The following VRK1 variants were observed in gnomAD, a reference collection of about 807,000 sequenced individuals.
VRK1 encodes the protein serine/threonine-protein kinase VRK1.
A neutral mutation model predicts 57.1 loss-of-function variants in VRK1; 33 were observed. That is an observed-to-expected ratio of 0.58 (90% CI 0.44 to 0.77). The LOEUF (loss-of-function observed/expected upper bound fraction) is 0.77. Ranked by LOEUF, VRK1 falls within the 30% of genes least tolerant of loss-of-function variation. The pLI is 0.00. For synonymous variants in VRK1, 137 were observed against 147.8 expected, an observed-to-expected ratio of 0.93 and a Z score of 0.53; for missense variants, 413 against 477.3, an observed-to-expected ratio of 0.87 and a Z score of 1.25.
chr14:96,860,454 A>G, intron 10 of VRK1, 103 bp from the exon 11 acceptor site: 1 of 1,112,974 alleles, frequency 9.0e-7, no homozygotes, highest in Non-Finnish European at 1.3e-6. Context: ...TCTTAACAAG[A>G]TGTGTATTTG....
At chr14:96,880,878 G>T (rs942554970) in intron 12 of VRK1, among the ~76,000 whole-genome samples, 9 of 152,222 alleles carry the variant, frequency 5.9e-5, no homozygotes, top group Non-Finnish European at 5.9e-5. Flanking sequence ...ATTTTGGAGA[G>T]AAATATTTCA....
chr14:96,881,014 A>C (rs1367378331), intron 12 of VRK1, among the ~76,000 whole-genome samples, 163 bp from the exon 13 acceptor site: 2 of 152,212 alleles, frequency 1.3e-5, no homozygotes, highest in African/African-American at 4.8e-5. Context: ...TTTTCAGAGT[A>C]TTAGCAATCA....
chr14:96,858,048 C>T (rs535130448), intron 10 of VRK1, among the ~76,000 whole-genome samples: 2 of 152,072 alleles, frequency 1.3e-5, no homozygotes, highest in Non-Finnish European at 2.9e-5. Flanking sequence ...TCCCCATTAT[C>T]GCATGTTTTT....
chr14:96,806,167 C>G (rs1885869083), intron 1 of VRK1, among the ~76,000 whole-genome samples: 1 of 152,130 alleles, frequency 6.6e-6, no homozygotes, highest in Admixed American at 6.5e-5. Context: ...GTATCTGCAT[C>G]TAGTGTATTT....
chr14:96,833,329 G>A (rs1887084493), intron 1 of VRK1, 138 bp from the exon 2 acceptor site: 1 of 905,478 alleles, frequency 1.1e-6, no homozygotes, highest in Non-Finnish European at 1.7e-6. Context: ...TTATAAGTCA[G>A]AATTAACAGG....
intron 3 of VRK1, among the ~76,000 whole-genome samples, chr14:96,838,643 GC>G (rs953691908): frequency 2.0e-5 from 3 of 152,130 alleles, no homozygotes; most frequent in African/African-American, 7.2e-5. Flanking sequence ...TGAAGGGGAT[GC>G]CCCCATGACT....
chr14:96,855,855 A>G (rs1888133500), intron 8 of VRK1, among the ~76,000 whole-genome samples: 1 of 152,096 alleles, frequency 6.6e-6, no homozygotes, highest in South Asian at 2.1e-4. Flanking sequence ...CCAAAGGAAA[A>G]CTAGTTTTAT....
At chr14:96,859,880 A>G (rs1159171123) in intron 10 of VRK1, among the ~76,000 whole-genome samples, 4 of 152,190 alleles carry the variant, frequency 2.6e-5, no homozygotes, top group South Asian at 2.1e-4. Context: ...GGACCAGTAT[A>G]TGAAATGATG....
chr14:96,871,251 CAGACCTGTTAA>C (rs1279355356), intron 11 of VRK1, among the ~76,000 whole-genome samples: 3 of 152,194 alleles, frequency 2.0e-5, no homozygotes, highest in Admixed American at 6.5e-5. Context: ...CTTGTTCCTT[CAGACCTGTTAA>C]TTAGCAAAAT....
At position 96,855,321 on chromosome 14, in the gene VRK1, T is replaced by C. The variant is rs1160942484; in HGVS notation, c.674T>C (p.Ile225Thr). The C allele has an allele frequency of 6.2e-7, 1 of 1,614,096 alleles. No individual in the cohort carries two copies. Among genetic ancestry groups the C allele is most frequent in the Non-Finnish European group, 8.5e-7 (1 of 1,179,960 alleles). ...CCCAAAAGATGTCACGATGGCACTA[T>C]TGAATTCACGAGCATCGATGCACAC... ...EDPKRCHDGT[I>T]EFTSIDAHNG... The change falls in exon 8 of 13, where the codon ATT (isoleucine) becomes ACT (threonine). Residue 225 changes from isoleucine to threonine, a missense_variant. Around this residue, in one of 3 missense-constraint regions of VRK1, gnomAD observed 151 missense variants for 225.5 expected, o/e 0.67. Transcript: ENST00000216639.
rs144133820 is a variant in VRK1 at position 96,823,699 on chromosome 14, A to G, written c.-5-9768A>G. On this transcript the variant is annotated intron_variant, in intron 1 of 12. Transcript: ENST00000216639. ...ACACAGTAGCGTTAAGTGTATTCAT[A>G]TTGTTGTGAAGCAGATCTCTAGAAC... Among the ~76,000 whole-genome samples, 4 of 152,322 alleles carry G rather than the reference A, an allele frequency of 2.6e-5. No individual in the cohort carries two copies. In the East Asian group the frequency reaches 7.7e-4, roughly 29 times the overall value.
intron 1 of VRK1, among the ~76,000 whole-genome samples, chr14:96,832,499 A>C (rs1664688554): frequency 6.6e-6 from 1 of 152,174 alleles, no homozygotes; most frequent in African/African-American, 2.4e-5. Context: ...GAGTTCCTTC[A>C]GTCAACGAAG....
chr14:96,849,974 TC>T (rs1449916207), intron 5 of VRK1, among the ~76,000 whole-genome samples: 2 of 152,180 alleles, frequency 1.3e-5, no homozygotes, highest in Admixed American at 6.5e-5. Context: ...GGAAAGAACT[TC>T]CCTGGTGTGG....
chr14:96,876,793 AC>A (rs1378376637), intron 12 of VRK1, among the ~76,000 whole-genome samples: 1 of 142,698 alleles, frequency 7.0e-6, no homozygotes, highest in Non-Finnish European at 1.5e-5. Flanking sequence ...AAAAAAAAAC[AC>A]AAAAAAACAA....
At chr14:96,856,012 T>C in intron 8 of VRK1, 118 bp from the exon 9 acceptor site, 1 of 1,274,128 alleles carries the variant, frequency 7.8e-7, no homozygotes, top group Non-Finnish European at 1.1e-6. Flanking sequence ...AGTCAAAATT[T>C]TATGATGAAA....
chr14:96,838,083 T>C (rs1887292460), intron 3 of VRK1, among the ~76,000 whole-genome samples: 1 of 152,114 alleles, frequency 6.6e-6, no homozygotes, highest in Non-Finnish European at 1.5e-5. Context: ...AATAAAAATA[T>C]TCAGCTCATT....
intron 9 of VRK1, 71 bp from the exon 10 acceptor site, chr14:96,856,457 T>C: frequency 7.1e-7 from 1 of 1,410,760 alleles, no homozygotes; most frequent in Non-Finnish European, 9.9e-7. Flanking sequence ...TAGCTTAATG[T>C]GCTATATATT....
intron 7 of VRK1, among the ~76,000 whole-genome samples, chr14:96,853,649 A>C (rs563081650): frequency 6.7e-6 from 1 of 148,804 alleles, no homozygotes; most frequent in Admixed American, 6.7e-5. Flanking sequence ...TCAAATGTGC[A>C]TTTTTTTTTT....
intron 2 of VRK1, among the ~76,000 whole-genome samples, chr14:96,834,276 C>T (rs1417134371): frequency 6.6e-6 from 1 of 152,096 alleles, no homozygotes; most frequent in African/African-American, 2.4e-5. Context: ...CTAACTTTTC[C>T]ATTCTGTGTT....
Sources: allele counts gnomAD v4.1 joint callset (sites outside exome capture counted in the v4.1 genomes callset), GRCh38; gene constraint gnomAD v4.1.1; regional missense constraint gnomAD v4.1.1; transcripts MANE v1.5; gene names NCBI Gene and HGNC (gene_info 2026-07-23, HGNC 2026-07-21).